Variants in SDK1 observed in about 807,000 individuals in gnomAD.
SDK1 encodes sidekick cell adhesion molecule 1.
Under a neutral mutation model 245.5 loss-of-function variants are expected in SDK1, and 157 were observed. That is an observed-to-expected ratio of 0.64 (90% CI 0.56 to 0.73). SDK1 has a LOEUF of 0.73. SDK1 is among the 30% of genes least tolerant of loss of function. The probability of loss-of-function intolerance (pLI) is 0.00; values close to 1 mark genes in which losing one functional copy is unlikely to be tolerated. For synonymous variants in SDK1, 1,647 were observed against 1,278.5 expected, an observed-to-expected ratio of 1.29 and a Z score of -6.15; for missense variants, 3,583 against 3,002.3, an observed-to-expected ratio of 1.19 and a Z score of -4.52.
chr7:3,301,697 C>T lies in SDK1; in HGVS notation c.111C>T (p.Arg37=), dbSNP rs2128539292. Residue 37 remains arginine (R), a synonymous_variant, in exon 1 of 45, where the codon CGC becomes CGT. Transcript: ENST00000404826. ...GGGGATCCCCGCCCGGCCGCGCCCGCCCCTCGCTGGCGCCGCGCCCCGGCC... is the reference window on the plus strand; with the variant it reads ...GGGGATCCCCGCCCGGCCGCGCCCGTCCCTCGCTGGCGCCGCGCCCCGGCC... The part of the protein sequence containing the change: ...RPRGSPPGRA[R]PSLAPRPGPE... The T allele has an allele frequency of 2.7e-5, 26 of 973,918 alleles. No homozygotes were observed. The highest frequency in any genetic ancestry group is 3.2e-5 in the Non-Finnish European group (26 of 823,826). The allele number at this position is 973,918 out of a possible 1,614,324, so 60.3% of individuals were successfully genotyped here. A position where few individuals can be genotyped will look rare whatever the true frequency, so the allele number is the denominator to read the frequency against.
intron 5 of SDK1, among the ~76,000 whole-genome samples, chr7:3,852,744 C>G (rs1780449688): frequency 8.0e-6 from 1 of 124,622 alleles, no homozygotes; most frequent in African/African-American, 3.5e-5. Context: ...GAGCAAGACT[C>G]CGTCTCAAAA....
chr7:4,149,140 AG>A, intron 29 of SDK1, 121 bp from the exon 30 acceptor site: 2 of 644,398 alleles, frequency 3.1e-6, no homozygotes, highest in South Asian at 6.8e-5. Context: ...AGACTGTCCA[AG>A]GCATGCAGGC....
At position 4,241,858 on chromosome 7, in the gene SDK1, C is replaced by T. The variant is rs557375836; in HGVS notation, c.6196C>T (p.Leu2066Phe). Residue 2066 changes from leucine to phenylalanine, a missense_variant, in exon 43 of 45, where the codon CTC becomes TTC. By Grantham distance (22) the Leu-to-Phe change is conservative (BLOSUM62 0). Transcript: ENST00000404826. ...CAACGGAGGATTTGCTGCCCTGGAG[C>T]TCAGCAGCCGCCACCTCAATGTCAA... ...LDNGGFAALE[L>F]SSRHLNVKST... 126 of 1,614,112 alleles carry T rather than the reference C, an allele frequency of 7.8e-5. 1 individual carries two copies. In the South Asian group the frequency reaches 1.3e-3, roughly 16 times the overall value.
chr7:3,889,402 A>G (rs182366523), intron 5 of SDK1, among the ~76,000 whole-genome samples: 3 of 152,328 alleles, frequency 2.0e-5, no homozygotes, highest in East Asian at 1.9e-4. Flanking sequence ...GAAAGACAAA[A>G]AGAGGGTCGA....
intron 1 of SDK1, among the ~76,000 whole-genome samples, chr7:3,498,965 C>A (rs933126681): frequency 2.6e-5 from 4 of 152,114 alleles, no homozygotes; most frequent in Non-Finnish European, 5.9e-5. Context: ...CTGGCACTAA[C>A]TTTTATTGGT....
At chr7:3,687,765 C>G (rs942299880) in intron 4 of SDK1, among the ~76,000 whole-genome samples, 3 of 152,162 alleles carry the variant, frequency 2.0e-5, no homozygotes, top group African/African-American at 4.8e-5. Flanking sequence ...GAAAGTAACA[C>G]AAGAGGTCCT....
At chr7:4,122,506 A>T (rs1784132240) in intron 25 of SDK1, among the ~76,000 whole-genome samples, 1 of 152,236 alleles carries the variant, frequency 6.6e-6, no homozygotes, top group Non-Finnish European at 1.5e-5. Flanking sequence ...TGCTGAAAAC[A>T]CGCAGAGAAC....
chr7:3,566,023 A>G (rs940146973), intron 1 of SDK1, among the ~76,000 whole-genome samples: 3 of 152,150 alleles, frequency 2.0e-5, no homozygotes, highest in African/African-American at 4.8e-5. Flanking sequence ...AAGCAATATA[A>G]TATCTATGAA....
At chr7:3,818,223 A>G (rs1213073039) in intron 4 of SDK1, among the ~76,000 whole-genome samples, 1 of 152,250 alleles carries the variant, frequency 6.6e-6, no homozygotes, top group Non-Finnish European at 1.5e-5. Flanking sequence ...ATAAAGTTAA[A>G]GGAAAATCTC....
At chr7:4,081,972 G>A (rs773387912) in intron 22 of SDK1, among the ~76,000 whole-genome samples, 3 of 152,172 alleles carry the variant, frequency 2.0e-5, no homozygotes, top group Non-Finnish European at 4.4e-5. Flanking sequence ...CAGGCATAAT[G>A]TTTAACAAAA....
intron 4 of SDK1, among the ~76,000 whole-genome samples, chr7:3,800,327 C>G (rs1459284713): frequency 6.6e-6 from 1 of 152,056 alleles, no homozygotes; most frequent in Non-Finnish European, 1.5e-5. Context: ...CTGATGTGTG[C>G]TCAGCTACAC....
chr7:3,802,459 A>C (rs1779131316), intron 4 of SDK1, among the ~76,000 whole-genome samples: 1 of 151,994 alleles, frequency 6.6e-6, no homozygotes, highest in African/African-American at 2.4e-5. Context: ...CACTTGAACC[A>C]GGGAGGTCAA....
intron 4 of SDK1, among the ~76,000 whole-genome samples, chr7:3,728,943 A>G (rs1348184158): frequency 6.6e-6 from 1 of 152,118 alleles, no homozygotes; most frequent in Non-Finnish European, 1.5e-5. Context: ...CTAAAAAAAA[A>G]ATCTCTAGAA....
intron 30 of SDK1, among the ~76,000 whole-genome samples, chr7:4,155,721 T>A (rs1333040919): frequency 6.6e-6 from 1 of 152,152 alleles, no homozygotes; most frequent in Non-Finnish European, 1.5e-5. Flanking sequence ...CACCCCAGCC[T>A]GAGAAACTTC....
At chr7:3,617,086 T>A (rs1781795160) in intron 1 of SDK1, among the ~76,000 whole-genome samples, 1 of 152,208 alleles carries the variant, frequency 6.6e-6, no homozygotes, top group South Asian at 2.1e-4. Context: ...TATTCATTCT[T>A]AAAATGGGTA....
intron 4 of SDK1, among the ~76,000 whole-genome samples, chr7:3,697,630 C>CT (rs1452862073): frequency 6.6e-6 from 1 of 152,158 alleles, no homozygotes. Flanking sequence ...TGAATTTTGC[C>CT]TTAAGCAAGA....
chr7:4,201,981 T>C (rs4723464), intron 35 of SDK1, among the ~76,000 whole-genome samples: 11,122 of 152,218 alleles, frequency 0.073, 429 homozygotes, highest in Middle Eastern at 0.11. Flanking sequence ...GTTCCCACCC[T>C]TCTACTCTTT....
chr7:4,086,456 G>A (rs548321846), intron 22 of SDK1, among the ~76,000 whole-genome samples: 2 of 152,292 alleles, frequency 1.3e-5, no homozygotes, highest in Admixed American at 1.3e-4. Context: ...GGTTGCGGCA[G>A]AATTCAGTCC....
rs750210098 is a variant in SDK1 at position 4,129,999 on chromosome 7, G to T, written c.4031G>T (p.Arg1344Leu). 2.9e-5 allele frequency: 47 copies of T among 1,613,654 alleles called. No homozygotes were observed. Among genetic ancestry groups the T allele is most frequent in the Middle Eastern group, 1.7e-4 (1 of 6,056 alleles). The part of the protein sequence containing the change: ...HTQSALLAGL[R>L]KFVLYELQVL... The stretch of plus-strand genomic sequence containing the variant: ...CAGTCGGCCCTGCTGGCAGGCCTGC[G>T]CAAGTTCGTGCTCTACGAGCTCCAG... The change falls in exon 27 of 45, where the codon CGC becomes CTC. Residue 1344 changes from arginine to leucine, a missense_variant. Physicochemically the swap from Arg to Leu is moderately radical, Grantham distance 102. Transcript: ENST00000404826.
Sources: allele counts gnomAD v4.1 joint callset (sites outside exome capture counted in the v4.1 genomes callset), GRCh38; gene constraint gnomAD v4.1.1; transcripts MANE v1.5; gene names NCBI Gene and HGNC (gene_info 2026-07-23, HGNC 2026-07-21).